MED12L: variants seen among roughly 807,000 people sequenced by gnomAD.
The protein encoded by MED12L is mediator of RNA polymerase II transcription subunit 12-like protein.
MED12L carries 60 observed loss-of-function variants against 281.3 expected under a neutral mutation model. That is an observed-to-expected ratio of 0.21 (90% CI 0.17 to 0.26). The LOEUF is 0.26. Ranked by LOEUF, MED12L falls within the 10% of genes least tolerant of loss-of-function variation. MED12L has a pLI of 1.00. For synonymous variants in MED12L, 974 were observed against 987.2 expected, an observed-to-expected ratio of 0.99 and a Z score of 0.25; for missense variants, 2,146 against 2,680.9, an observed-to-expected ratio of 0.80 and a Z score of 4.41.
intron 8 of MED12L, among the ~76,000 whole-genome samples, chr3:151,161,679 G>A (rs1385765396): frequency 3.3e-5 from 5 of 152,224 alleles, no homozygotes; most frequent in Non-Finnish European, 5.9e-5. Context: ...TAGCCTTTGA[G>A]ATGGGAACCA....
At chr3:151,165,542 G>A (rs746947054) in intron 10 of MED12L, 23 bp downstream of exon 10, 31 of 1,570,314 alleles carry the variant, frequency 2.0e-5, no homozygotes, top group South Asian at 5.6e-5. Context: ...ACAGAGGAAC[G>A]AGTGCTTTTG....
At chr3:151,214,359 T>C in intron 16 of MED12L, 1 of 1,538,140 alleles carries the variant, frequency 6.5e-7, no homozygotes, top group Non-Finnish European at 8.9e-7. Flanking sequence ...AGGTGTGAAC[T>C]GGTCACTCAT....
In MED12L at chr3:151,193,575, T is replaced by G; in HGVS notation, c.2159T>G (p.Val720Gly). 1 of 1,614,002 alleles carries G rather than the reference T, an allele frequency of 6.2e-7. No homozygotes were observed. ...RRMSVNCEKL[V>G]KREKPRELIF... ...ATGTCAGTTAATTGTGAGAAGTTGG[T>G]GAAGAGGGAAAAGCCAAGGGAATTA... The change falls in exon 16 of 45, where the codon GTG (valine) becomes GGG (glycine). Residue 720 changes from valine (V) to glycine (G), a missense_variant. Val to Gly is a moderately radical substitution (Grantham distance 109). Transcript: ENST00000687756.
At chr3:151,296,593 T>TC (rs11384390) in intron 16 of MED12L, among the ~76,000 whole-genome samples, 41,049 of 151,634 alleles carry the variant, frequency 0.27, 5,859 homozygotes, top group South Asian at 0.31. Context: ...CTTCCTTCCT[T>TC]CTTTCTCCCA....
intron 16 of MED12L, among the ~76,000 whole-genome samples, chr3:151,215,757 A>G (rs1263211650): frequency 6.6e-6 from 1 of 152,218 alleles, no homozygotes; most frequent in Non-Finnish European, 1.5e-5. Flanking sequence ...CCTTGCCCTC[A>G]GGAGAATGCC....
intron 5 of MED12L, among the ~76,000 whole-genome samples, chr3:151,131,414 A>G (rs966693458): frequency 1.3e-5 from 2 of 152,196 alleles, no homozygotes; most frequent in African/African-American, 4.8e-5. Context: ...CAATCTAGGC[A>G]ACATAGTGAG....
At chr3:151,138,895 A>G (rs1716524966) in intron 5 of MED12L, among the ~76,000 whole-genome samples, 1 of 152,132 alleles carries the variant, frequency 6.6e-6, no homozygotes, top group Non-Finnish European at 1.5e-5. Context: ...TCCACACTTA[A>G]GAAGTGGGGA....
At position 151,218,866 on chromosome 3, in the gene MED12L, C is replaced by CAAA. The variant is rs397686351; in HGVS notation, c.2250+25229_2250+25231dup. On this transcript the variant is annotated intron_variant, in intron 16 of 44. Coordinates refer to ENST00000687756, the MANE Select transcript of MED12L (RefSeq NM_001393769.1). ...TGGGTGACAGAGCAAGACTCAGTCT[C>CAAA]AAAAAAAAAAAAAAAAAAAAAAAAA... Among the ~76,000 whole-genome samples, 332 of 71,354 alleles carry CAAA rather than the reference C, an allele frequency of 4.7e-3. 2 individuals carry two copies. Among genetic ancestry groups the CAAA allele is most frequent in the East Asian group, 0.011 (25 of 2,368 alleles). The allele number at this position is 71,354 out of a possible 152,430, so 46.8% of individuals were successfully genotyped here.
At chr3:151,106,291 T>TTCCTTC in intron 2 of MED12L, among the ~76,000 whole-genome samples, 1 of 102,500 alleles carries the variant, frequency 9.8e-6, no homozygotes, top group African/African-American at 5.7e-5. Context: ...CCTTTTCCTT[T>TTCCTTC]TCCTTTTCCT....
chr3:151,187,930 C>G (rs938674497), intron 12 of MED12L, among the ~76,000 whole-genome samples: 3 of 152,122 alleles, frequency 2.0e-5, no homozygotes, highest in African/African-American at 7.2e-5. Context: ...AGCAATTTTG[C>G]ATAGGGATAA....
At position 151,270,158 on chromosome 3, in the gene MED12L, T is replaced by G. The variant is rs1041584268; in HGVS notation, c.2250+76492T>G. ...AATAGAACACTGATAGGTTCCAACC[T>G]TTTTAAAAATTTTCTCCAGTTCCTG... On this transcript the variant is annotated intron_variant, in intron 16 of 44. Transcript: ENST00000687756. 1.4e-5 allele frequency: 3 copies of G among 210,074 alleles called. No homozygotes were observed. In the Admixed American group the frequency reaches 1.7e-4, roughly 12 times the overall value. 13.0% of individuals were successfully genotyped at this position (210,074 alleles called of 1,614,324 possible). A position where few individuals can be genotyped will look rare whatever the true frequency, so the allele number is the denominator to read the frequency against.
intron 5 of MED12L, among the ~76,000 whole-genome samples, chr3:151,141,183 T>TTTG (rs1181590621): frequency 3.4e-4 from 42 of 123,028 alleles, no homozygotes; most frequent in Non-Finnish European, 5.7e-4. Flanking sequence ...TTTTTGTTTT[T>TTTG]TTTGTTTTTT....
intron 16 of MED12L, among the ~76,000 whole-genome samples, chr3:151,233,052 A>G (rs1172585818): frequency 2.0e-5 from 3 of 152,242 alleles, no homozygotes; most frequent in African/African-American, 7.2e-5. Context: ...AAAAAACACC[A>G]ACATTGTCCC....
At chr3:151,318,591 TA>T (rs1748594214) in intron 16 of MED12L, among the ~76,000 whole-genome samples, 1 of 152,150 alleles carries the variant, frequency 6.6e-6, no homozygotes. Flanking sequence ...ATGGCCCCCA[TA>T]AAAGTATGTT....
At chr3:151,108,273 G>A (rs1044190312) in intron 2 of MED12L, among the ~76,000 whole-genome samples, 24 of 151,998 alleles carry the variant, frequency 1.6e-4, no homozygotes, top group African/African-American at 5.3e-4. Context: ...GGGGGTTGTA[G>A]TATTTTAAAG....
At chr3:151,157,954 T>C (rs1187062966) in intron 6 of MED12L, among the ~76,000 whole-genome samples, 3 of 152,226 alleles carry the variant, frequency 2.0e-5, no homozygotes, top group African/African-American at 7.2e-5. Flanking sequence ...ATTAAATCTA[T>C]ATGTGCATAG....
chr3:151,311,096 C>T (rs560659302), intron 16 of MED12L, among the ~76,000 whole-genome samples: 2 of 152,144 alleles, frequency 1.3e-5, no homozygotes, highest in Non-Finnish European at 2.9e-5. Context: ...AACTGAGTTC[C>T]GCACTGGCCA....
intron 39 of MED12L, among the ~76,000 whole-genome samples, chr3:151,401,732 AT>A (rs1560128180): frequency 6.6e-6 from 1 of 152,232 alleles, no homozygotes; most frequent in African/African-American, 2.4e-5. Flanking sequence ...GGTGTAATTA[AT>A]ATACATTTCA....
chr3:151,146,797 C>T (rs1317424476), intron 5 of MED12L, among the ~76,000 whole-genome samples: 1 of 152,140 alleles, frequency 6.6e-6, no homozygotes, highest in Admixed American at 6.5e-5. Flanking sequence ...TGTGTACCAA[C>T]AGCCCATCCC....
Sources: gnomAD v4.1 joint callset for allele counts (sites outside exome capture counted in the v4.1 genomes callset) on GRCh38, gnomAD v4.1.1 for gene constraint, MANE v1.5 for transcripts, NCBI Gene and HGNC (gene_info 2026-07-23, HGNC 2026-07-21) for gene names.